PAGE2B: variants seen among roughly 807,000 people sequenced by gnomAD.
The protein encoded by PAGE2B is PAGE family member 2B.
A neutral mutation model predicts 7.6 loss-of-function variants in PAGE2B; 5 were observed. The ratio of observed to expected loss-of-function variants is 0.66; its 90% confidence interval spans 0.34 to 1.38. The LOEUF is 1.38. Ranked by LOEUF, PAGE2B falls within the 40% of genes most tolerant of loss-of-function variation. The pLI, the probability that PAGE2B is intolerant of heterozygous loss-of-function variation, is 0.04. For synonymous variants in PAGE2B, 29 were observed against 26.7 expected (o/e 1.09, Z -0.27); for missense variants, 70 against 78.4 (o/e 0.89, Z 0.41).
the PAGE2B span, among the ~76,000 whole-genome samples, chrX:55,046,320 G>A: frequency 4.8e-4 from 53 of 110,706 alleles, no homozygotes; most frequent in Admixed American, 1.3e-3. Context: ...CACCATGTTA[G>A]CCAGGCTGGT....
the PAGE2B span, among the ~76,000 whole-genome samples, chrX:55,066,339 C>T: frequency 6.2e-5 from 7 of 112,375 alleles, no homozygotes; most frequent in Admixed American, 6.6e-4. Context: ...GATCCACCCA[C>T]CTCGGCCTCC....
the PAGE2B span, among the ~76,000 whole-genome samples, chrX:55,043,399 A>G: frequency 9.0e-6 from 1 of 111,592 alleles, no homozygotes; most frequent in Non-Finnish European, 1.9e-5. Flanking sequence ...GAGTAAATAG[A>G]CAATCCACAG....
At chrX:55,038,723 A>G in the PAGE2B span, among the ~76,000 whole-genome samples, 2 of 111,718 alleles carry the variant, frequency 1.8e-5, no homozygotes, top group African/African-American at 6.5e-5. Flanking sequence ...CTTCAAATGC[A>G]TTTAGATCCA....
the PAGE2B span, among the ~76,000 whole-genome samples, chrX:55,031,290 G>T: frequency 2.3e-4 from 26 of 111,415 alleles, no homozygotes; most frequent in Admixed American, 2.3e-3. Flanking sequence ...TATAAAAGGA[G>T]GGCAATAAAA....
chrX:55,048,975 G>A, the PAGE2B span, among the ~76,000 whole-genome samples: 32 of 111,864 alleles, frequency 2.9e-4, no homozygotes, highest in Admixed American at 1.9e-3. Flanking sequence ...TTTGAGATAA[G>A]TCCCATCAAT....
At chrX:55,029,173 T>C in the PAGE2B span, among the ~76,000 whole-genome samples, 1 of 112,127 alleles carries the variant, frequency 8.9e-6, no homozygotes, top group Non-Finnish European at 1.9e-5. Context: ...CACATGAATA[T>C]ACCAGGCTGG....
chrX:55,046,092 T>A, the PAGE2B span, among the ~76,000 whole-genome samples: 1 of 111,169 alleles, frequency 9.0e-6, no homozygotes, highest in Admixed American at 9.6e-5. Context: ...GAATTGAATC[T>A]CTTTTATTTT....
the PAGE2B span, among the ~76,000 whole-genome samples, chrX:55,049,310 G>A: frequency 9.0e-6 from 1 of 111,724 alleles, no homozygotes; most frequent in African/African-American, 3.2e-5. Flanking sequence ...TCAGGATGAT[G>A]CTGGCCTCAT....
At chrX:55,052,214 C>T in the PAGE2B span, among the ~76,000 whole-genome samples, 5 of 112,215 alleles carry the variant, frequency 4.5e-5, no homozygotes, top group Admixed American at 2.8e-4. Flanking sequence ...TGTCAGTCTG[C>T]CCCTACTGGG....
chrX:55,038,830 A>G, the PAGE2B span, among the ~76,000 whole-genome samples: 1 of 111,617 alleles, frequency 9.0e-6, no homozygotes, highest in Admixed American at 9.6e-5. Context: ...GTTGATGGTA[A>G]CCTGGAATAA....
chrX:55,047,475 T>A, the PAGE2B span, among the ~76,000 whole-genome samples: 9 of 111,581 alleles, frequency 8.1e-5, no homozygotes, highest in African/African-American at 2.6e-4. Context: ...TAGTTCTAGA[T>A]CCCTGAGGAA....
chrX:55,034,585 T>C, the PAGE2B span, among the ~76,000 whole-genome samples: 1 of 109,995 alleles, frequency 9.1e-6, no homozygotes, highest in East Asian at 2.8e-4. Context: ...ATAACACTTA[T>C]AATTAGAGCT....
At chrX:55,062,119 A>G in the PAGE2B span, among the ~76,000 whole-genome samples, 1 of 111,582 alleles carries the variant, frequency 9.0e-6, no homozygotes, top group Non-Finnish European at 1.9e-5. Context: ...ACCTGGGAAT[A>G]GGATTGTTGG....
the PAGE2B span, among the ~76,000 whole-genome samples, chrX:55,065,245 ATATATT>A: frequency 9.0e-6 from 1 of 111,613 alleles, no homozygotes; most frequent in Non-Finnish European, 1.9e-5. Context: ...TTGGGTGCAT[ATATATT>A]TATAATTGCT....
At chrX:55,076,209 A>G (rs1936511342) in intron 2 of PAGE2B, 84 bp downstream of exon 2, 18 of 1,022,305 alleles carry the variant, frequency 1.8e-5, no homozygotes, top group South Asian at 4.8e-5. Flanking sequence ...GCACTGATAC[A>G]GGTGTTCCAT....
At chrX:55,061,058 G>C in the PAGE2B span, among the ~76,000 whole-genome samples, 1 of 110,883 alleles carries the variant, frequency 9.0e-6, no homozygotes, top group African/African-American at 3.3e-5. Flanking sequence ...TTGAAAGAGA[G>C]GAACTGTGGG....
upstream of PAGE2B, among the ~76,000 whole-genome samples, chrX:55,073,682 C>T (rs1453202200): frequency 4.5e-5 from 5 of 111,718 alleles, no homozygotes; most frequent in East Asian, 8.4e-4. Context: ...AATGTTTTTC[C>T]ATTTGTGTCA....
the PAGE2B span, among the ~76,000 whole-genome samples, chrX:55,043,451 C>G: frequency 3.6e-5 from 4 of 110,454 alleles, no homozygotes; most frequent in Non-Finnish European, 7.6e-5. Context: ...CGACAAAGGA[C>G]TAATATCCAG....
intron 1 of PAGE2B, among the ~76,000 whole-genome samples, 182 bp downstream of exon 1, chrX:55,075,296 T>TGGGACGA (rs756287355): frequency 4.5e-5 from 5 of 111,155 alleles, no homozygotes; most frequent in African/African-American, 1.3e-4. Flanking sequence ...GTGGCTGGGC[T>TGGGACGA]GGGACGAGGG....
Sources: allele counts gnomAD v4.1 joint callset (sites outside exome capture counted in the v4.1 genomes callset), GRCh38; gene constraint gnomAD v4.1.1; transcripts MANE v1.5; gene names NCBI Gene and HGNC (gene_info 2026-07-23, HGNC 2026-07-21).